Variants in MIPOL1 observed in about 807,000 individuals in gnomAD.
MIPOL1 encodes mirror-image polydactyly gene 1 protein.
A neutral mutation model predicts 60.9 loss-of-function variants in MIPOL1; 57 were observed. The observed-to-expected ratio is 0.94, with a 90% CI of 0.76 to 1.17. The LOEUF is 1.17. Ranked by LOEUF, MIPOL1 falls within the 50% of genes most tolerant of loss-of-function variation. The probability of loss-of-function intolerance (pLI) is 0.00; values close to 1 mark genes in which losing one functional copy is unlikely to be tolerated. For synonymous variants in MIPOL1, 179 were observed against 168.8 expected (o/e 1.06, Z -0.47); for missense variants, 551 against 511.6 (o/e 1.08, Z -0.74).
intron 12 of MIPOL1, among the ~76,000 whole-genome samples, chr14:37,513,558 G>A (rs1018596686): frequency 4.9e-4 from 74 of 152,166 alleles, no homozygotes; most frequent in African/African-American, 1.7e-3. Flanking sequence ...GTTAGGATTG[G>A]CGCCTAACCC....
intron 1 of MIPOL1, among the ~76,000 whole-genome samples, chr14:37,222,222 CTT>C (rs201521182): frequency 1.6e-4 from 23 of 140,030 alleles, no homozygotes; most frequent in Admixed American, 2.2e-4. Flanking sequence ...GAAAACATTG[CTT>C]TTTTTTTTTT....
intron 11 of MIPOL1, among the ~76,000 whole-genome samples, chr14:37,494,762 T>C (rs2095094909): frequency 6.6e-6 from 1 of 152,236 alleles, no homozygotes; most frequent in Admixed American, 6.5e-5. Flanking sequence ...TTTATTATTT[T>C]TAAAGACTGT....
intron 12 of MIPOL1, among the ~76,000 whole-genome samples, chr14:37,538,297 C>T (rs529648178): frequency 1.1e-4 from 17 of 152,260 alleles, no homozygotes; most frequent in Admixed American, 2.0e-4. Flanking sequence ...GAAATGATTG[C>T]ACAGTTCTGA....
At chr14:37,215,222 T>C (rs1303564454) in intron 1 of MIPOL1, among the ~76,000 whole-genome samples, 1 of 152,070 alleles carries the variant, frequency 6.6e-6, no homozygotes, top group South Asian at 2.1e-4. Flanking sequence ...TTACCTATCA[T>C]TGGAGATGGC....
chr14:37,351,455 C>A (rs918368403), intron 9 of MIPOL1, among the ~76,000 whole-genome samples: 47 of 151,936 alleles, frequency 3.1e-4, no homozygotes, highest in African/African-American at 1.1e-3. Flanking sequence ...AATGGTATTT[C>A]CAGTTCTAGA....
chr14:37,453,694 C>T (rs1295176312), intron 11 of MIPOL1, among the ~76,000 whole-genome samples: 2 of 152,098 alleles, frequency 1.3e-5, no homozygotes, highest in African/African-American at 2.4e-5. Flanking sequence ...ATTATCTACA[C>T]ATTTGGAATT....
At chr14:37,217,325 T>TA (rs533537970) in intron 1 of MIPOL1, among the ~76,000 whole-genome samples, 2 of 152,214 alleles carry the variant, frequency 1.3e-5, no homozygotes, top group South Asian at 4.1e-4. Flanking sequence ...CATTTGAAGA[T>TA]AAACTTAATA....
intron 12 of MIPOL1, among the ~76,000 whole-genome samples, chr14:37,524,771 T>C (rs1384975571): frequency 1.3e-5 from 2 of 151,702 alleles, no homozygotes; most frequent in Non-Finnish European, 2.9e-5. Flanking sequence ...GGTTTCACCA[T>C]CTTGGCCAGC....
chr14:37,265,255 T>A (rs2082791972), intron 3 of MIPOL1: 1 of 152,216 alleles, frequency 6.6e-6, no homozygotes. Flanking sequence ...GCAAATGCCT[T>A]TGTGAAGTCT....
chr14:37,244,157 G>T (rs77205730), intron 1 of MIPOL1, among the ~76,000 whole-genome samples: 1,097 of 103,632 alleles, frequency 0.011, 15 homozygotes, highest in African/African-American at 0.039. Context: ...GTCTCACTCT[G>T]TCACCAGGAT....
intron 5 of MIPOL1, among the ~76,000 whole-genome samples, chr14:37,269,995 T>A (rs2083171067): frequency 6.6e-6 from 1 of 151,908 alleles, no homozygotes; most frequent in African/African-American, 2.4e-5. Flanking sequence ...ACCTAGCTAA[T>A]TTTTTGTATT....
intron 9 of MIPOL1, among the ~76,000 whole-genome samples, chr14:37,318,132 A>G (rs935662540): frequency 1.3e-5 from 2 of 152,152 alleles, no homozygotes; most frequent in African/African-American, 4.8e-5. Context: ...TAACAAACCC[A>G]CTTGATGAGC....
chr14:37,203,885 C>A (rs1965679758), intron 1 of MIPOL1, among the ~76,000 whole-genome samples: 1 of 152,138 alleles, frequency 6.6e-6, no homozygotes, highest in Non-Finnish European at 1.5e-5. Flanking sequence ...CGGGTTCAAG[C>A]AATTCTCCTG....
intron 9 of MIPOL1, among the ~76,000 whole-genome samples, chr14:37,339,623 A>G (rs1258363687): frequency 6.6e-6 from 1 of 152,226 alleles, no homozygotes; most frequent in Non-Finnish European, 1.5e-5. Flanking sequence ...ACTATTTAGC[A>G]TGAAAATGGA....
chr14:37,326,963 GAA>G (rs546993820), intron 9 of MIPOL1, among the ~76,000 whole-genome samples: 3 of 150,240 alleles, frequency 2.0e-5, no homozygotes, highest in Non-Finnish European at 3.0e-5. Context: ...AGCAGAAAAT[GAA>G]AAAAAAACTA....
At chr14:37,355,540 A>G (rs1369703159) in intron 9 of MIPOL1, among the ~76,000 whole-genome samples, 2 of 150,950 alleles carry the variant, frequency 1.3e-5, no homozygotes, top group African/African-American at 2.4e-5. Context: ...ACTTTCAGGT[A>G]CACCAATGAG....
chr14:37,500,334 A>G (rs1297089906), intron 12 of MIPOL1, among the ~76,000 whole-genome samples, 196 bp downstream of exon 12: 2 of 152,168 alleles, frequency 1.3e-5, no homozygotes, highest in African/African-American at 4.8e-5. Context: ...CTTGGGAACC[A>G]TTGTTACCCT....
chr14:37,469,726 A>G (rs1197380270), intron 11 of MIPOL1, among the ~76,000 whole-genome samples: 4 of 152,138 alleles, frequency 2.6e-5, no homozygotes, highest in Non-Finnish European at 2.9e-5. Context: ...GCTTAATGCC[A>G]TTATCATAGA....
At chr14:37,228,020 G>T (rs566992557) in intron 1 of MIPOL1, among the ~76,000 whole-genome samples, 1 of 152,258 alleles carries the variant, frequency 6.6e-6, no homozygotes, top group East Asian at 1.9e-4. Flanking sequence ...GGAAATGATG[G>T]TTAGATCTCA....
Sources: allele counts gnomAD v4.1 joint callset (sites outside exome capture counted in the v4.1 genomes callset), GRCh38; gene constraint gnomAD v4.1.1; transcripts MANE v1.5; gene names NCBI Gene and HGNC (gene_info 2026-07-23, HGNC 2026-07-21).